The following CNTNAP2 variants were observed in gnomAD, a reference collection of about 807,000 sequenced individuals.
CNTNAP2 encodes the protein contactin-associated protein-like 2.
Under a neutral mutation model 155.2 loss-of-function variants are expected in CNTNAP2, and 98 were observed. The observed-to-expected ratio is 0.63, with a 90% CI of 0.54 to 0.75. The LOEUF (loss-of-function observed/expected upper bound fraction) is 0.75. Ranked by LOEUF, CNTNAP2 falls within the 30% of genes least tolerant of loss-of-function variation. The pLI, the probability that CNTNAP2 is intolerant of heterozygous loss-of-function variation, is 0.00. For missense variants in CNTNAP2, 1,727 were observed against 1,688.1 expected (o/e 1.02, Z -0.40); for synonymous variants, 651 against 631.2 (o/e 1.03, Z -0.47).
intron 8 of CNTNAP2, among the ~76,000 whole-genome samples, chr7:147,193,504 T>G (rs1802722070): frequency 6.6e-6 from 1 of 152,106 alleles, no homozygotes; most frequent in Non-Finnish European, 1.5e-5. Context: ...AATCACATTC[T>G]GGTGAAACAA....
intron 21 of CNTNAP2, among the ~76,000 whole-genome samples, chr7:148,335,999 G>A (rs2116571291): frequency 6.6e-6 from 1 of 152,180 alleles, no homozygotes; most frequent in Admixed American, 6.5e-5. Flanking sequence ...CTTGCCCAGA[G>A]GAATTTATGT....
intron 9 of CNTNAP2, among the ~76,000 whole-genome samples, chr7:147,325,318 A>G (rs974442213): frequency 6.6e-6 from 1 of 152,150 alleles, no homozygotes; most frequent in South Asian, 2.1e-4. Context: ...AACAACAACA[A>G]CAACAAAAAT....
At chr7:146,539,038 T>A (rs1201876435) in intron 1 of CNTNAP2, among the ~76,000 whole-genome samples, 1 of 152,072 alleles carries the variant, frequency 6.6e-6, no homozygotes, top group Non-Finnish European at 1.5e-5. Flanking sequence ...ATATAATTAT[T>A]ATTCACAGAT....
chr7:148,322,934 G>A (rs894604950), intron 21 of CNTNAP2, among the ~76,000 whole-genome samples: 2 of 151,296 alleles, frequency 1.3e-5, no homozygotes, highest in Non-Finnish European at 2.9e-5. Context: ...TCCTCTTCCT[G>A]AAATCGCCCC....
chr7:147,863,639 G>T (rs1486173021), intron 13 of CNTNAP2, among the ~76,000 whole-genome samples: 1 of 152,110 alleles, frequency 6.6e-6, no homozygotes, highest in African/African-American at 2.4e-5. Context: ...GTGTGAGATG[G>T]TATCTCATTG....
intron 12 of CNTNAP2, among the ~76,000 whole-genome samples, chr7:147,612,396 T>A (rs577499868): frequency 2.7e-5 from 4 of 150,554 alleles, no homozygotes; most frequent in Non-Finnish European, 5.9e-5. Flanking sequence ...TATGTAATTT[T>A]CTTTCTTTTT....
intron 10 of CNTNAP2, among the ~76,000 whole-genome samples, chr7:147,477,832 G>A (rs904058556): frequency 6.6e-6 from 1 of 152,082 alleles, no homozygotes; most frequent in African/African-American, 2.4e-5. Flanking sequence ...ATAATCAAAT[G>A]GCAGAGTTTA....
rs556930728 is a variant in CNTNAP2 at position 147,522,104 on chromosome 7, G to A, written c.1777+36063G>A. On this transcript the variant is annotated intron_variant, in intron 11 of 23. Coordinates refer to ENST00000361727, the MANE Select transcript of CNTNAP2 (RefSeq NM_014141.6). ...CACAAGTGTGCTCATGTAGCAGAAG[G>A]GGCACAAGGAGTATCTCTGAGGCCT... Among the ~76,000 whole-genome samples the A allele has an allele frequency of 3.3e-5, 5 of 152,298 alleles. No homozygotes were observed. In the South Asian group the frequency reaches 1.0e-3, roughly 32 times the overall value.
intron 19 of CNTNAP2, among the ~76,000 whole-genome samples, chr7:148,219,429 C>A (rs202173425): frequency 6.6e-6 from 1 of 152,188 alleles, no homozygotes; most frequent in African/African-American, 2.4e-5. Context: ...CACTGTGGCT[C>A]ATGCCTGTAA....
At chr7:146,580,011 C>T (rs945488221) in intron 1 of CNTNAP2, among the ~76,000 whole-genome samples, 5 of 150,260 alleles carry the variant, frequency 3.3e-5, no homozygotes, top group Non-Finnish European at 7.4e-5. Context: ...AAAATTCACC[C>T]CCAAACACAC....
At chr7:146,778,951 T>G (rs115298325) in intron 2 of CNTNAP2, among the ~76,000 whole-genome samples, 1 of 152,326 alleles carries the variant, frequency 6.6e-6, no homozygotes, top group African/African-American at 2.4e-5. Flanking sequence ...CTCTGCTTTG[T>G]TACCTGACAT....
chr7:146,642,857 G>T (rs1218695325), intron 1 of CNTNAP2, among the ~76,000 whole-genome samples: 1 of 151,874 alleles, frequency 6.6e-6, no homozygotes. Flanking sequence ...CATTCTAACT[G>T]GTGTGAGATG....
At chr7:148,254,219 C>T (rs946535088) in intron 20 of CNTNAP2, among the ~76,000 whole-genome samples, 8 of 152,200 alleles carry the variant, frequency 5.3e-5, no homozygotes, top group Non-Finnish European at 7.3e-5. Context: ...GTGACATCAA[C>T]GGCTCTTACC....
intron 3 of CNTNAP2, among the ~76,000 whole-genome samples, chr7:147,003,505 T>TA (rs1165498407): frequency 1.3e-5 from 2 of 151,756 alleles, no homozygotes; most frequent in Non-Finnish European, 2.9e-5. Context: ...ACTGCTATGA[T>TA]AAAAAATGGG....
chr7:147,566,896 T>C (rs973682357), intron 12 of CNTNAP2, among the ~76,000 whole-genome samples: 1 of 152,190 alleles, frequency 6.6e-6, no homozygotes, highest in African/African-American at 2.4e-5. Context: ...AAAAAGTGTC[T>C]GAGAGCATTT....
At chr7:146,888,257 T>A (rs1795708157) in intron 3 of CNTNAP2, among the ~76,000 whole-genome samples, 2 of 152,124 alleles carry the variant, frequency 1.3e-5, no homozygotes, top group South Asian at 4.1e-4. Context: ...CCTGATGATA[T>A]CTGAATAGTA....
intron 21 of CNTNAP2, among the ~76,000 whole-genome samples, chr7:148,331,647 TGGAC>T (rs1798017075): frequency 6.6e-6 from 1 of 151,580 alleles, no homozygotes; most frequent in Non-Finnish European, 1.5e-5. Context: ...ATGGATGGAA[TGGAC>T]GGATGGAGTG....
At chr7:148,102,396 C>T (rs1325535202) in intron 15 of CNTNAP2, among the ~76,000 whole-genome samples, 2 of 152,174 alleles carry the variant, frequency 1.3e-5, no homozygotes, top group African/African-American at 4.8e-5. Context: ...TAGGTTGATT[C>T]CATGTCATTG....
At chr7:148,271,066 A>C in intron 21 of CNTNAP2, among the ~76,000 whole-genome samples, 1 of 152,242 alleles carries the variant, frequency 6.6e-6, no homozygotes, top group East Asian at 1.9e-4. Flanking sequence ...TAAGCTAATA[A>C]CGTCTTAAGA....
Sources: gnomAD v4.1 joint callset for allele counts (sites outside exome capture counted in the v4.1 genomes callset) on GRCh38, gnomAD v4.1.1 for gene constraint, MANE v1.5 for transcripts, NCBI Gene and HGNC (gene_info 2026-07-23, HGNC 2026-07-21) for gene names.